HDAC9: variants seen among roughly 807,000 people sequenced by gnomAD.
The protein encoded by HDAC9 is histone deacetylase 9.
HDAC9 carries 41 observed loss-of-function variants against 139.4 expected under a neutral mutation model. The ratio of observed to expected loss-of-function variants is 0.29; its 90% CI spans 0.23 to 0.38. The LOEUF is 0.38. HDAC9 is among the 10% of genes least tolerant of loss of function. The pLI is 1.00. For missense variants in HDAC9, 1,147 were observed against 1,297.0 expected, an observed-to-expected ratio of 0.88 and a Z score of 1.78; for synonymous variants, 517 against 476.2, an observed-to-expected ratio of 1.09 and a Z score of -1.12.
chr7:18,453,677 TTTG>T (rs1472242021), intron 1 of HDAC9, among the ~76,000 whole-genome samples: 3 of 152,206 alleles, frequency 2.0e-5, no homozygotes, highest in Non-Finnish European at 4.4e-5. Flanking sequence ...CATAACTTAT[TTTG>T]TTTTGTTTTT....
intron 1 of HDAC9, among the ~76,000 whole-genome samples, chr7:18,454,665 C>A (rs213267): frequency 0.021 from 3,124 of 152,078 alleles, 114 homozygotes; most frequent in African/African-American, 0.07. Flanking sequence ...AACCTGTGAA[C>A]AGCAAGAAAC....
chr7:18,993,588 G>T (rs1786184910), intron 25 of HDAC9, among the ~76,000 whole-genome samples: 1 of 152,104 alleles, frequency 6.6e-6, no homozygotes, highest in African/African-American at 2.4e-5. Context: ...GATCTCTTGA[G>T]CCCAGGAGTT....
At position 18,582,707 on chromosome 7, in the gene HDAC9, A is replaced by G. The variant is rs562356734; in HGVS notation, c.23-2574A>G. On this transcript the variant is annotated intron_variant, in intron 2 of 25. Transcript: ENST00000686413. ...TAACAATACTAGAACTCTAGTAAAT[A>G]ATACGACATTGAACTGTTTTTTTCC... is the stretch of plus-strand genomic sequence containing the variant. Among the ~76,000 whole-genome samples, 3 of 152,322 alleles carry G rather than the reference A, an allele frequency of 2.0e-5. No homozygotes were observed. The South Asian group carries it at 6.2e-4, about 32-fold the overall frequency.
rs551121968 is a variant in HDAC9, at chr7:18,953,912, G to A, written c.2938-234G>A. The stretch of plus-strand genomic sequence containing the variant: ...TGCACAGACATGCACCTGCTTCAGG[G>A]ACTTCATAGATTAGTCTTGTGACCA... On this transcript the variant is annotated intron_variant, in intron 23 of 25. Coordinates refer to ENST00000686413, the MANE Select transcript of HDAC9 (RefSeq NM_178425.4). Among the ~76,000 whole-genome samples, 3 of 152,160 alleles carry A rather than the reference G, an allele frequency of 2.0e-5. No individual in the cohort carries two copies. In the East Asian group the frequency reaches 5.8e-4, roughly 29 times the overall value.
intron 12 of HDAC9, among the ~76,000 whole-genome samples, chr7:18,701,722 T>A (rs1053376721): frequency 4.6e-5 from 7 of 152,204 alleles, no homozygotes; most frequent in African/African-American, 1.7e-4. Context: ...AATTCACACA[T>A]GAAGTGAACA....
chr7:18,690,857 T>C (rs1486773144), intron 12 of HDAC9, among the ~76,000 whole-genome samples: 1 of 152,044 alleles, frequency 6.6e-6, no homozygotes, highest in Non-Finnish European at 1.5e-5. Flanking sequence ...ATAATAGAGT[T>C]GCTTAATGTC....
At chr7:18,426,678 C>T (rs771170556) in intron 1 of HDAC9, among the ~76,000 whole-genome samples, 5 of 152,194 alleles carry the variant, frequency 3.3e-5, no homozygotes, top group African/African-American at 4.8e-5. Flanking sequence ...TTATTTACCA[C>T]TCTCATCCTT....
At chr7:18,632,039 A>C (rs1782507927) in intron 7 of HDAC9, among the ~76,000 whole-genome samples, 1 of 151,878 alleles carries the variant, frequency 6.6e-6, no homozygotes, top group Non-Finnish European at 1.5e-5. Context: ...ATGTTTAAGA[A>C]AGTAGTTTTT....
chr7:18,408,291 T>G (rs1414829915), intron 1 of HDAC9, among the ~76,000 whole-genome samples: 2 of 152,146 alleles, frequency 1.3e-5, no homozygotes, highest in East Asian at 3.8e-4. Context: ...AATACATAAT[T>G]CTTGAGTTAT....
chr7:18,188,391 A>G (rs893553911), intron 2 of HDAC9, among the ~76,000 whole-genome samples: 4 of 152,336 alleles, frequency 2.6e-5, no homozygotes, highest in South Asian at 2.1e-4. Context: ...CACACCATAA[A>G]AACCCTAGAA....
chr7:18,604,162 T>C (rs527290191), intron 6 of HDAC9, among the ~76,000 whole-genome samples: 11 of 152,288 alleles, frequency 7.2e-5, no homozygotes, highest in Admixed American at 1.3e-4. Flanking sequence ...GTGTCTGTCA[T>C]TAATTTTGGA....
chr7:18,248,856 T>C (rs1229096278), intron 2 of HDAC9, among the ~76,000 whole-genome samples: 1 of 152,246 alleles, frequency 6.6e-6, no homozygotes, highest in Non-Finnish European at 1.5e-5. Flanking sequence ...TCAGTCAACA[T>C]TTATGCAAAA....
intron 13 of HDAC9, among the ~76,000 whole-genome samples, chr7:18,734,228 T>C (rs1347677994): frequency 6.6e-6 from 1 of 152,162 alleles, no homozygotes; most frequent in Admixed American, 6.5e-5. Flanking sequence ...TGATGTGTGA[T>C]CAGTGATCTT....
At chr7:18,430,962 A>T (rs1376146264) in intron 1 of HDAC9, among the ~76,000 whole-genome samples, 1 of 152,112 alleles carries the variant, frequency 6.6e-6, no homozygotes, top group Non-Finnish European at 1.5e-5. Context: ...ATTCTGTTCC[A>T]GACTAATCTC....
At chr7:18,521,734 A>G (rs1805109957) in intron 2 of HDAC9, among the ~76,000 whole-genome samples, 1 of 152,210 alleles carries the variant, frequency 6.6e-6, no homozygotes, top group Non-Finnish European at 1.5e-5. Context: ...GTTTTTAGAA[A>G]AACGATAATA....
chr7:18,267,655 C>T (rs1345985574), intron 2 of HDAC9, among the ~76,000 whole-genome samples: 2 of 152,010 alleles, frequency 1.3e-5, no homozygotes, highest in African/African-American at 2.4e-5. Flanking sequence ...AAAGGTATTC[C>T]GTGTATATGT....
chr7:18,889,413 T>C (rs1001018764), intron 22 of HDAC9, among the ~76,000 whole-genome samples: 1 of 151,654 alleles, frequency 6.6e-6, no homozygotes, highest in African/African-American at 2.4e-5. Context: ...TCCAGAAATA[T>C]TTATTGACTT....
chr7:18,904,176 G>A (rs1279294350), intron 22 of HDAC9, among the ~76,000 whole-genome samples: 1 of 152,108 alleles, frequency 6.6e-6, no homozygotes. Flanking sequence ...TACTTTAGTG[G>A]CAAGTATGAA....
intron 23 of HDAC9, among the ~76,000 whole-genome samples, chr7:18,944,064 C>A (rs1188834870): frequency 6.6e-6 from 1 of 152,030 alleles, no homozygotes; most frequent in East Asian, 1.9e-4. Flanking sequence ...AAATTATAAC[C>A]AGATTTACTT....
Sources: allele counts gnomAD v4.1 joint callset (sites outside exome capture counted in the v4.1 genomes callset), GRCh38; gene constraint gnomAD v4.1.1; transcripts MANE v1.5; gene names NCBI Gene and HGNC (gene_info 2026-07-23, HGNC 2026-07-21).